JADE2: variants seen among roughly 807,000 people sequenced by gnomAD.
The protein encoded by JADE2 is E3 ubiquitin-protein ligase Jade-2.
JADE2 carries 13 observed loss-of-function variants against 85.7 expected under a neutral mutation model. The observed-to-expected ratio is 0.15, with a 90% CI of 0.10 to 0.24. JADE2 has a LOEUF of 0.24. Ranked by LOEUF, JADE2 falls within the 10% of genes least tolerant of loss-of-function variation. The pLI, the probability that JADE2 is intolerant of heterozygous loss-of-function variation, is 1.00. For synonymous variants in JADE2, 440 were observed against 456.1 expected (o/e 0.96, Z 0.45); for missense variants, 846 against 1,115.9 (o/e 0.76, Z 3.45).
chr5:134,573,522 G>A (rs1401483310), intron 9 of JADE2, 123 bp from the exon 10 acceptor site: 9 of 749,528 alleles, frequency 1.2e-5, no homozygotes, highest in Non-Finnish European at 1.9e-5. Context: ...GTTCTGGGCA[G>A]GATAGGCTGT....
intron 4 of JADE2, among the ~76,000 whole-genome samples, chr5:134,554,778 C>T (rs1224732806): frequency 6.6e-6 from 1 of 152,202 alleles, no homozygotes; most frequent in Non-Finnish European, 1.5e-5. Context: ...ACTGCATCCT[C>T]CTGGCACCTC....
chr5:134,545,495 C>T (rs1437744254), intron 3 of JADE2, among the ~76,000 whole-genome samples: 1 of 151,786 alleles, frequency 6.6e-6, no homozygotes, highest in African/African-American at 2.4e-5. Flanking sequence ...TCTCATAGCC[C>T]TTCTTTCGTG....
chr5:134,566,101 CT>C lies in JADE2; in HGVS notation c.970-14del. 1 of 1,604,472 alleles carries C rather than the reference CT, an allele frequency of 6.2e-7. No homozygotes were observed. Among genetic ancestry groups the C allele is most frequent in the Non-Finnish European group, 8.5e-7 (1 of 1,173,844 alleles). ...GCTCCCTCCATGTCTGATCCTGCCC[CT>C]CCTTTCCCCTCAGTGTTCCATGCCT... On this transcript the variant is annotated splice_polypyrimidine_tract_variant and intron_variant, in intron 8 of 11. Transcript: ENST00000681547. This position sits in a 1 kb window ranked among gnomAD's most constrained non-coding sequence, Gnocchi z 6.7.
In JADE2 at chr5:134,579,862, G is replaced by T. The variant is rs1321432015; in HGVS notation, c.*545G>T. 2 of 153,402 alleles carry T rather than the reference G, an allele frequency of 1.3e-5. No homozygotes were observed. The highest frequency in any genetic ancestry group is 4.8e-5 in the African/African-American group (2 of 41,442). The allele number at this position is 153,402 out of a possible 1,614,324, so 9.5% of individuals were successfully genotyped here. A position where few individuals can be genotyped will look rare whatever the true frequency, so the allele number is the denominator to read the frequency against. On this transcript the variant is annotated 3_prime_UTR_variant, in exon 12 of 12. Transcript: ENST00000681547. This position sits in a 1 kb window ranked among gnomAD's most constrained non-coding sequence, Gnocchi z 4.6. Reference sequence around the variant, plus strand: ...GTTTATATGAGAAAGCACTGAGGGGGTGCAGAGGGCCCGCTAGTTCCAGGG... The same window carrying T: ...GTTTATATGAGAAAGCACTGAGGGGTTGCAGAGGGCCCGCTAGTTCCAGGG...
chr5:134,552,408 G>A (rs1422863333), intron 4 of JADE2, among the ~76,000 whole-genome samples, 199 bp downstream of exon 4: 3 of 152,228 alleles, frequency 2.0e-5, no homozygotes, highest in Admixed American at 1.3e-4. Flanking sequence ...GGTTGGGCTC[G>A]GGCTTGGCTA....
At chr5:134,529,718 C>T (rs368888812) in intron 1 of JADE2, among the ~76,000 whole-genome samples, 2 of 152,236 alleles carry the variant, frequency 1.3e-5, no homozygotes, top group South Asian at 2.1e-4. Context: ...AGAGCCAGCT[C>T]GCTTCTCTGC....
At chr5:134,533,703 G>A (rs1357720343) in intron 1 of JADE2, 9 of 247,492 alleles carry the variant, frequency 3.6e-5, no homozygotes. Context: ...TCAGGAGTCA[G>A]GATTCTGTCA....
At chr5:134,527,791 A>G (rs779360729) in intron 1 of JADE2, among the ~76,000 whole-genome samples, 2 of 151,632 alleles carry the variant, frequency 1.3e-5, no homozygotes, top group Non-Finnish European at 2.9e-5. Flanking sequence ...GCACTTTTTT[A>G]CCAGCTTGGC....
intron 4 of JADE2, among the ~76,000 whole-genome samples, chr5:134,556,969 ACAT>A (rs1392593951): frequency 4.1e-5 from 6 of 147,814 alleles, no homozygotes; most frequent in African/African-American, 1.3e-4. Flanking sequence ...CACACCTCAC[ACAT>A]CACACAAAAC....
At chr5:134,543,688 A>C (rs1306180884) in intron 3 of JADE2, among the ~76,000 whole-genome samples, 1 of 152,130 alleles carries the variant, frequency 6.6e-6, no homozygotes, top group Admixed American at 6.5e-5. Flanking sequence ...AAAACAAAAA[A>C]AAGCAAAAAA....
chr5:134,566,365 C>A lies in JADE2; in HGVS notation c.1219C>A (p.Leu407Met). ...GCAGCTAGAGGAGGACTTCTACGAG[C>A]TGGTGGAGCCGGCTGAGGTGGCTGA... The part of the protein sequence containing the change: ...LQQLEEDFYE[L>M]VEPAEVAERL... The change falls in exon 9 of 12, where the codon CTG becomes ATG. Residue 407 changes from leucine to methionine, a missense_variant. This residue lies in a region of JADE2 where 88 missense variants were observed against 140.6 expected (regional missense o/e 0.63). Coordinates refer to ENST00000681547, the MANE Select transcript of JADE2 (RefSeq NM_001388185.1). This position sits in a 1 kb window ranked among gnomAD's most constrained non-coding sequence, Gnocchi z 6.7. The A allele has an allele frequency of 1.2e-6, 2 of 1,614,076 alleles. No individual in the cohort carries two copies. The highest frequency in any genetic ancestry group is 1.7e-6 in the Non-Finnish European group (2 of 1,180,012).
chr5:134,573,093 G>A (rs1581480805), intron 9 of JADE2, among the ~76,000 whole-genome samples: 1 of 152,232 alleles, frequency 6.6e-6, no homozygotes, highest in South Asian at 2.1e-4. Flanking sequence ...TTCCAATGGC[G>A]TTCTCTCTGG....
chr5:134,551,979 T>C, intron 3 of JADE2, 73 bp from the exon 4 acceptor site: 1 of 1,459,958 alleles, frequency 6.8e-7, no homozygotes, highest in Non-Finnish European at 9.6e-7. Flanking sequence ...TGTATCTGCC[T>C]CTTCCTCTGG....
In JADE2 at chr5:134,566,082, TC is replaced by T. The variant is rs777630952; in HGVS notation, c.970-32del. On this transcript the variant is annotated intron_variant, in intron 8 of 11. Transcript: ENST00000681547. This position sits in a 1 kb window ranked among gnomAD's most constrained non-coding sequence, Gnocchi z 6.7. ...TCTTCTCCCCTCCCACCAGGCTCCC[TC>T]CATGTCTGATCCTGCCCCTCCTTTC... The T allele has an allele frequency of 8.3e-6, 13 of 1,575,698 alleles. No homozygotes were observed. Among genetic ancestry groups the T allele is most frequent in the Non-Finnish European group, 1.1e-5 (13 of 1,152,216 alleles).
At position 134,566,471 on chromosome 5, in the gene JADE2, C is replaced by G; in HGVS notation, c.1325C>G (p.Pro442Arg). 1.2e-6 allele frequency: 2 copies of G among 1,613,372 alleles called. No homozygotes were observed. Among genetic ancestry groups the G allele is most frequent in the Non-Finnish European group, 1.7e-6 (2 of 1,179,708 alleles). ...AAGAGGAAAGCCAATGCCAACCAGCCGCTGCTGACCCCCAAGACCGACGAG... is the reference window on the plus strand; with the variant it reads ...AAGAGGAAAGCCAATGCCAACCAGCGGCTGCTGACCCCCAAGACCGACGAG... ...KLKRKANANQPLLTPKTDEVD... is the reference protein window; with the variant it reads ...KLKRKANANQRLLTPKTDEVD... Residue 442 changes from proline (P) to arginine (R), a missense_variant, in exon 9 of 12, where the codon CCG becomes CGG. By Grantham distance (103) the Pro-to-Arg change is moderately radical. This residue lies in a region of JADE2 where 88 missense variants were observed against 140.6 expected (regional missense o/e 0.63). Coordinates refer to ENST00000681547, the MANE Select transcript of JADE2 (RefSeq NM_001388185.1). The surrounding 1 kb of genome is among the most constrained non-coding windows in gnomAD (Gnocchi z 6.7).
rs1475303726 is a variant in JADE2 at position 134,537,979 on chromosome 5, C to T, written c.59-10C>T. On this transcript the variant is annotated splice_polypyrimidine_tract_variant and intron_variant, in intron 2 of 11. Coordinates refer to ENST00000681547, the MANE Select transcript of JADE2 (RefSeq NM_001388185.1). ...TCCAGGACCCCTAATGGACTGTTCT[C>T]TCTCTGCAGGTCATGCGACATCTAC... 1.2e-6 allele frequency: 2 copies of T among 1,611,658 alleles called. No individual in the cohort carries two copies. Among genetic ancestry groups the T allele is most frequent in the East Asian group, 2.2e-5 (1 of 44,866 alleles).
chr5:134,554,788 C>A (rs982401933), intron 4 of JADE2, among the ~76,000 whole-genome samples: 1 of 152,196 alleles, frequency 6.6e-6, no homozygotes, highest in Non-Finnish European at 1.5e-5. Context: ...CCTGGCACCT[C>A]CCACTGCACA....
Position 134,578,456 on chromosome 5 carries a change from G to A in JADE2, c.1682-38G>A, listed in dbSNP as rs373819363. 5.4e-6 allele frequency: 8 copies of A among 1,477,162 alleles called. No homozygotes were observed. In the South Asian group the frequency reaches 6.3e-5, roughly 12 times the overall value. The allele number at this position is 1,477,162 out of a possible 1,614,324, so 91.5% of individuals were successfully genotyped here. A position where few individuals can be genotyped will look rare whatever the true frequency, so the allele number is the denominator to read the frequency against. On this transcript the variant is annotated intron_variant, in intron 11 of 11. Transcript: ENST00000681547. The surrounding 1 kb of genome is among the most constrained non-coding windows in gnomAD (Gnocchi z 4.4). ...GGCTTCCTGAAAGGGTGGGACACAC[G>A]TCTGCTGGCGTCTCACTTGCCTCCT...
At chr5:134,548,699 G>A (rs1010213396) in intron 3 of JADE2, among the ~76,000 whole-genome samples, 5 of 152,336 alleles carry the variant, frequency 3.3e-5, no homozygotes, top group African/African-American at 1.2e-4. Context: ...GACCCTGGGA[G>A]CCCTTCCTGC....
Sources: gnomAD v4.1 joint callset for allele counts (sites outside exome capture counted in the v4.1 genomes callset) on GRCh38, gnomAD v4.1.1 for gene constraint, gnomAD v4.1.1 regional missense constraint, Gnocchi (gnomAD v3.1) non-coding constraint, MANE v1.5 for transcripts, NCBI Gene and HGNC (gene_info 2026-07-23, HGNC 2026-07-21) for gene names.